RAD51B: variants seen among roughly 807,000 people sequenced by gnomAD.
The protein encoded by RAD51B is DNA repair protein RAD51 homolog 2.
In RAD51B, 38 loss-of-function variants were observed where a neutral mutation model predicts 42.2. That is an observed-to-expected ratio of 0.90 (90% CI 0.70 to 1.18). The LOEUF (loss-of-function observed/expected upper bound fraction) is 1.18, where lower values mean the gene tolerates loss of function less well. Ranked by LOEUF, RAD51B falls within the 50% of genes most tolerant of loss-of-function variation. The probability of loss-of-function intolerance (pLI) is 0.00; values close to 1 mark genes in which losing one functional copy is unlikely to be tolerated. For synonymous variants in RAD51B, 154 were observed against 145.2 expected (o/e 1.06, Z -0.43); for missense variants, 373 against 400.7 (o/e 0.93, Z 0.59).
chr14:68,629,211 A>G (rs2145153), intron 10 of RAD51B, among the ~76,000 whole-genome samples: 65,551 of 151,988 alleles, frequency 0.43, 14,633 homozygotes, highest in East Asian at 0.71. Context: ...CAGCTGACAG[A>G]GAAGCTGCCC....
At chr14:68,317,318 C>T (rs138060628) in intron 8 of RAD51B, among the ~76,000 whole-genome samples, 168 of 82,190 alleles carry the variant, frequency 2.0e-3, no homozygotes, top group East Asian at 9.7e-3. Flanking sequence ...TATTTATTTA[C>T]GTGCCCTCTC....
At chr14:68,236,723 C>T (rs2080265766) in intron 7 of RAD51B, among the ~76,000 whole-genome samples, 1 of 152,210 alleles carries the variant, frequency 6.6e-6, no homozygotes. Flanking sequence ...TAGTAAAACA[C>T]TGACCCCTTC....
intron 7 of RAD51B, among the ~76,000 whole-genome samples, chr14:68,087,807 G>A (rs2077008198): frequency 7.5e-6 from 1 of 133,644 alleles, no homozygotes; most frequent in South Asian, 2.2e-4. Context: ...TTATTTTATT[G>A]ACTTAAAAAT....
At chr14:68,567,022 C>G (rs144141961) in intron 10 of RAD51B, among the ~76,000 whole-genome samples, 1 of 152,008 alleles carries the variant, frequency 6.6e-6, no homozygotes, top group East Asian at 1.9e-4. Flanking sequence ...CTTTACTGGC[C>G]GGCACGGTGG....
At chr14:68,404,405 G>A (rs2084206061) in intron 8 of RAD51B, among the ~76,000 whole-genome samples, 1 of 152,248 alleles carries the variant, frequency 6.6e-6, no homozygotes, top group South Asian at 2.1e-4. Flanking sequence ...AAGCCAGTAG[G>A]CAGATTCCTC....
intron 7 of RAD51B, among the ~76,000 whole-genome samples, chr14:68,072,179 ATATT>A (rs1252871756): frequency 7.3e-6 from 1 of 136,980 alleles, no homozygotes; most frequent in Non-Finnish European, 1.5e-5. Context: ...TTTTATATAT[ATATT>A]TTCTAGGTTT....
chr14:68,470,648 A>C, intron 10 of RAD51B: 1 of 483,558 alleles, frequency 2.1e-6, no homozygotes, highest in Admixed American at 2.8e-5. Flanking sequence ...AGAAGACAGA[A>C]GAAAGAGTGA....
At chr14:67,900,318 T>C (rs907748895) in intron 7 of RAD51B, among the ~76,000 whole-genome samples, 1 of 152,184 alleles carries the variant, frequency 6.6e-6, no homozygotes, top group Admixed American at 6.5e-5. Flanking sequence ...AGCTTAAGTC[T>C]TGTAATAAGG....
chr14:68,028,801 C>T (rs1246700302), intron 7 of RAD51B, among the ~76,000 whole-genome samples: 6 of 152,208 alleles, frequency 3.9e-5, no homozygotes, highest in African/African-American at 1.4e-4. Context: ...GCCCTACTTT[C>T]TCCTGCCTCA....
chr14:67,886,979 A>G, intron 6 of RAD51B, 42 bp from the exon 7 acceptor site: 1 of 1,260,016 alleles, frequency 7.9e-7, no homozygotes, highest in Non-Finnish European at 1.1e-6. Context: ...TATTTATTTT[A>G]TCTTAAATTT....
intron 4 of RAD51B, chr14:67,857,946 C>G (rs995750295): frequency 6.6e-6 from 1 of 152,488 alleles, no homozygotes; most frequent in East Asian, 1.9e-4. Flanking sequence ...GGAGCAAGCT[C>G]TGTGTGGGAT....
intron 4 of RAD51B, among the ~76,000 whole-genome samples, chr14:67,848,135 AG>A (rs1209308261): frequency 6.6e-6 from 1 of 152,166 alleles, no homozygotes; most frequent in African/African-American, 2.4e-5. Context: ...CTTCTGCCTC[AG>A]CCTCCCGAGT....
chr14:68,595,718 A>G, exon 11 of RAD51B: 2 of 749,196 alleles, frequency 2.7e-6, no homozygotes, highest in Non-Finnish European at 3.4e-6. Context: ...ATGGAATACT[A>G]GATGGTCATT....
At chr14:68,371,384 G>C (rs1356292803) in intron 8 of RAD51B, among the ~76,000 whole-genome samples, 1 of 152,200 alleles carries the variant, frequency 6.6e-6, no homozygotes, top group African/African-American at 2.4e-5. Context: ...TGGGCGTGGT[G>C]GTGCATGCCT....
chr14:68,519,182 C>T (rs1423840221), intron 10 of RAD51B, among the ~76,000 whole-genome samples: 3 of 152,302 alleles, frequency 2.0e-5, no homozygotes, highest in East Asian at 1.9e-4. Flanking sequence ...ACCGGCACAC[C>T]AGTGCCTCCA....
chr14:68,140,691 C>T (rs2078110799), intron 7 of RAD51B, among the ~76,000 whole-genome samples: 3 of 152,196 alleles, frequency 2.0e-5, no homozygotes, highest in Non-Finnish European at 4.4e-5. Flanking sequence ...TTTTGCAGTC[C>T]TCTTCATACC....
At chr14:68,403,767 T>C (rs1178558403) in intron 8 of RAD51B, among the ~76,000 whole-genome samples, 1 of 152,208 alleles carries the variant, frequency 6.6e-6, no homozygotes, top group African/African-American at 2.4e-5. Context: ...CAACTAAGAT[T>C]TACTATCTTG....
intron 7 of RAD51B, among the ~76,000 whole-genome samples, chr14:68,116,454 A>G (rs1361585420): frequency 1.3e-5 from 2 of 152,138 alleles, no homozygotes; most frequent in Non-Finnish European, 2.9e-5. Context: ...AAAAATGTAT[A>G]AAATCAGAGT....
chr14:68,405,317 G>A (rs1252138448), intron 8 of RAD51B, among the ~76,000 whole-genome samples: 1 of 152,134 alleles, frequency 6.6e-6, no homozygotes, highest in Non-Finnish European at 1.5e-5. Context: ...TGTGGCATGT[G>A]CCTGTGGTCC....
Sources: gnomAD v4.1 joint callset for allele counts (sites outside exome capture counted in the v4.1 genomes callset) on GRCh38, gnomAD v4.1.1 for gene constraint, MANE v1.5 for transcripts, NCBI Gene and HGNC (gene_info 2026-07-23, HGNC 2026-07-21) for gene names.